Variants in YPEL1 observed in about 807,000 individuals in gnomAD.
The protein encoded by YPEL1 is yippee like 1, also known as protein yippee-like 1.
YPEL1 carries 7 observed loss-of-function variants against 17.3 expected under a neutral mutation model. The observed-to-expected ratio is 0.40, with a 90% CI of 0.23 to 0.76. The LOEUF (loss-of-function observed/expected upper bound fraction) is 0.76. YPEL1 is among the 30% of genes least tolerant of loss of function. The pLI is 0.35. For missense variants in YPEL1, 91 were observed against 155.5 expected (o/e 0.59, Z 2.21); for synonymous variants, 59 against 59.6 (o/e 0.99, Z 0.05).
At chr22:21,733,839 G>A (rs144189316) in intron 1 of YPEL1, among the ~76,000 whole-genome samples, 3,254 of 152,336 alleles carry the variant, frequency 0.021, 68 homozygotes, top group Middle Eastern at 0.11. Flanking sequence ...CCTGCCCCTT[G>A]ACACAGGTGC....
rs1337958560 is a variant in YPEL1 at position 21,703,033 on chromosome 22, C to T, written c.270+337G>A. 6.6e-6 allele frequency among the ~76,000 whole-genome samples: 1 copy of T among 152,234 alleles called. No individual in the cohort carries two copies. The highest frequency in any genetic ancestry group is 1.9e-4 in the East Asian group (1 of 5,192). ...TGACAGTGGGCACAGCCTCCCGCAG[C>T]CCCCTGCAGCCTCCTCGGCCTCCTC... On this transcript the variant is annotated intron_variant, in intron 4 of 4. Transcript: ENST00000339468. This position sits in a 1 kb window ranked among gnomAD's most constrained non-coding sequence, Gnocchi z 6.1.
rs1205820936 is a variant in YPEL1, at chr22:21,735,612, C to CA, written c.-165+2dup. On this transcript the variant is annotated splice_region_variant and intron_variant, in intron 1 of 4. Transcript: ENST00000339468. ...AGCTGCAGCCAGGCCCGCCCGTACT[C>CA]ACGGCCGCTCCGCGGTCCGCGCCCC... 1.3e-5 allele frequency: 2 copies of CA among 151,786 alleles called. No individual in the cohort carries two copies. The highest frequency in any genetic ancestry group is 4.8e-5 in the African/African-American group (2 of 41,404). 9.4% of individuals were successfully genotyped at this position (151,786 alleles called of 1,614,324 possible).
chr22:21,711,305 G>C (rs578037686), intron 1 of YPEL1, among the ~76,000 whole-genome samples: 45 of 152,286 alleles, frequency 3.0e-4, no homozygotes, highest in African/African-American at 1.0e-3. Context: ...TTTACATTTA[G>C]TTGGAAGTGA....
chr22:21,730,125 C>T (rs1245246821), intron 1 of YPEL1, among the ~76,000 whole-genome samples: 2 of 152,072 alleles, frequency 1.3e-5, no homozygotes, highest in Non-Finnish European at 2.9e-5. Flanking sequence ...GTACTCCAGC[C>T]TGGGCAACAG....
chr22:21,701,295 C>A (rs1022226462), intron 4 of YPEL1, 77 bp from the exon 5 acceptor site: 2 of 1,056,810 alleles, frequency 1.9e-6, no homozygotes, highest in Non-Finnish European at 1.4e-6. Flanking sequence ...GCAAAAACCC[C>A]CCCCAAGTCT....
At chr22:21,734,016 A>G (rs1005074562) in intron 1 of YPEL1, among the ~76,000 whole-genome samples, 1 of 152,138 alleles carries the variant, frequency 6.6e-6, no homozygotes, top group Non-Finnish European at 1.5e-5. Flanking sequence ...GGAGTTCAAG[A>G]CCAGCCTGGG....
rs145438271 is a variant in YPEL1, at chr22:21,710,941, A to G, written c.-164-33T>C. 4,222 of 616,166 alleles carry G rather than the reference A, an allele frequency of 6.9e-3. 62 individuals carry two copies. Among genetic ancestry groups the G allele is most frequent in the South Asian group, 0.031 (1,680 of 54,776 alleles). 38.2% of individuals were successfully genotyped at this position (616,166 alleles called of 1,614,324 possible). ...CCAATCAGACAAAGTGGTGGGTTAC[A>G]GAGAGAACATGCGTGTGAAGCAGGT... On this transcript the variant is annotated intron_variant, in intron 1 of 4. Transcript: ENST00000339468.
Position 21,699,052 on chromosome 22 carries a change from C to G in YPEL1, c.*2077G>C, listed in dbSNP as rs571895344. 1 of 152,610 alleles carries G rather than the reference C, an allele frequency of 6.6e-6. No homozygotes were observed. Among genetic ancestry groups the G allele is most frequent in the Non-Finnish European group, 1.5e-5 (1 of 68,090 alleles). 9.5% of individuals were successfully genotyped at this position (152,610 alleles called of 1,614,324 possible). On this transcript the variant is annotated 3_prime_UTR_variant, in exon 5 of 5. Transcript: ENST00000339468. ...CCACCAGGGCAGCGGCATTTCCCAC[C>G]TGCCAAGGCTTCCAGGCTTGGGCAA...
At chr22:21,723,959 G>C (rs562437519) in intron 1 of YPEL1, among the ~76,000 whole-genome samples, 1 of 151,986 alleles carries the variant, frequency 6.6e-6, no homozygotes, top group Non-Finnish European at 1.5e-5. Flanking sequence ...GAGCCACCAC[G>C]CCTGGCCTGG....
At chr22:21,702,953 GCT>G (rs1320835199) in intron 4 of YPEL1, among the ~76,000 whole-genome samples, 1 of 152,138 alleles carries the variant, frequency 6.6e-6, no homozygotes, top group African/African-American at 2.4e-5. Context: ...TCATGGGGCA[GCT>G]CTCTGTCTCT....
At chr22:21,711,219 C>T (rs1232255240) in intron 1 of YPEL1, among the ~76,000 whole-genome samples, 1 of 152,068 alleles carries the variant, frequency 6.6e-6, no homozygotes, top group Non-Finnish European at 1.5e-5. Context: ...AGCACCACTG[C>T]GCCTGACCAA....
intron 2 of YPEL1, among the ~76,000 whole-genome samples, chr22:21,709,341 C>T (rs186363272): frequency 2.0e-5 from 3 of 152,328 alleles, no homozygotes; most frequent in African/African-American, 4.8e-5. Flanking sequence ...ACAGGAGCCC[C>T]AGAGGCAATG....
chr22:21,714,096 T>C (rs1425063695), intron 1 of YPEL1, among the ~76,000 whole-genome samples: 2 of 147,042 alleles, frequency 1.4e-5, no homozygotes, highest in Admixed American at 1.3e-4. Flanking sequence ...TCCTGTGCCC[T>C]TCCATGGGAT....
chr22:21,712,230 C>A (rs1221033170), intron 1 of YPEL1, among the ~76,000 whole-genome samples: 1 of 151,748 alleles, frequency 6.6e-6, no homozygotes, highest in Admixed American at 6.6e-5. Flanking sequence ...CAGAGGCAAC[C>A]CAGAGAATGA....
At chr22:21,724,348 C>A (rs2068311823) in intron 1 of YPEL1, among the ~76,000 whole-genome samples, 1 of 152,076 alleles carries the variant, frequency 6.6e-6, no homozygotes, top group African/African-American at 2.4e-5. Flanking sequence ...ACCGGCCTGG[C>A]CAACGTGGTG....
chr22:21,704,054 A>G (rs1467509727), intron 2 of YPEL1, 172 bp from the exon 3 acceptor site: 2 of 758,418 alleles, frequency 2.6e-6, no homozygotes, highest in Non-Finnish European at 4.7e-6. Flanking sequence ...ACAGCCACTT[A>G]ACGGAGCTGC....
At chr22:21,735,406 C>T (rs1405506727) in intron 1 of YPEL1, among the ~76,000 whole-genome samples, 1 of 152,102 alleles carries the variant, frequency 6.6e-6, no homozygotes, top group Admixed American at 6.5e-5. Context: ...AAAGATTAGG[C>T]GTTGTTGTCT....
chr22:21,705,554 T>C (rs2068107099), intron 2 of YPEL1, among the ~76,000 whole-genome samples: 1 of 152,164 alleles, frequency 6.6e-6, no homozygotes, highest in Non-Finnish European at 1.5e-5. Flanking sequence ...ATGAGGAATG[T>C]GACTGAAACA....
intron 1 of YPEL1, among the ~76,000 whole-genome samples, chr22:21,722,491 C>T (rs892618892): frequency 3.3e-5 from 5 of 152,050 alleles, no homozygotes; most frequent in African/African-American, 1.2e-4. Flanking sequence ...TGGTGCATGC[C>T]TGTAATCCCA....
Sources: allele counts gnomAD v4.1 joint callset (sites outside exome capture counted in the v4.1 genomes callset), GRCh38; gene constraint gnomAD v4.1.1; non-coding constraint Gnocchi (gnomAD v3.1); transcripts MANE v1.5; gene names NCBI Gene and HGNC (gene_info 2026-07-23, HGNC 2026-07-21).